Variants in KDM7A observed in about 807,000 individuals in gnomAD.
KDM7A encodes the protein lysine demethylase 7A, also known as lysine-specific demethylase 7A.
Under a neutral mutation model 114.8 loss-of-function variants are expected in KDM7A, and 28 were observed. The observed-to-expected ratio is 0.24, with a 90% CI of 0.18 to 0.33. KDM7A has a LOEUF of 0.33. Among genes scored for constraint, KDM7A ranks in the 10% least tolerant of loss-of-function variants. The pLI is 1.00. For synonymous variants in KDM7A, 423 were observed against 397.8 expected, an observed-to-expected ratio of 1.06 and a Z score of -0.75; for missense variants, 942 against 1,142.5, an observed-to-expected ratio of 0.82 and a Z score of 2.53.
Position 140,102,146 on chromosome 7 carries a change from T to A in KDM7A, c.1443A>T (p.Lys481Asn). Residue 481 changes from lysine to asparagine, a missense_variant, in exon 12 of 20, where the codon AAA (lysine) becomes AAT (asparagine). This residue lies in a region of KDM7A where 512 missense variants were observed against 576.6 expected (regional missense o/e 0.89). Coordinates refer to ENST00000397560, the MANE Select transcript of KDM7A (RefSeq NM_030647.2). ...VIRAIEEENGKPVKSQGIPIV... is the reference protein window; with the variant it reads ...VIRAIEEENGNPVKSQGIPIV... ...TAGGAATTCCCTGAGATTTAACTGG[T>A]TTGCCGTTTTCCTCCTTTAAGAATT... The A allele has an allele frequency of 6.2e-7, 1 of 1,613,558 alleles. No homozygotes were observed. Among genetic ancestry groups the A allele is most frequent in the Non-Finnish European group, 8.5e-7 (1 of 1,179,506 alleles).
intron 11 of KDM7A, among the ~76,000 whole-genome samples, chr7:140,105,625 C>A (rs1818323716): frequency 6.6e-6 from 1 of 152,130 alleles, no homozygotes; most frequent in Non-Finnish European, 1.5e-5. Context: ...GTCTTGCATC[C>A]CAGGGATGAA....
intron 1 of KDM7A, among the ~76,000 whole-genome samples, chr7:140,162,941 C>T (rs1794536185): frequency 6.6e-6 from 1 of 151,318 alleles, no homozygotes; most frequent in African/African-American, 2.4e-5. Flanking sequence ...GAGAAGCTCT[C>T]TGAGATATCC....
intron 9 of KDM7A, 32 bp from the exon 10 acceptor site, chr7:140,113,614 A>C (rs774141394): frequency 8.5e-7 from 1 of 1,179,504 alleles, no homozygotes. Context: ...GAGAAAAAAA[A>C]ATAGTTAAAA....
chr7:140,130,073 T>C (rs761593955), intron 3 of KDM7A, among the ~76,000 whole-genome samples: 32 of 152,118 alleles, frequency 2.1e-4, no homozygotes, highest in Admixed American at 2.0e-4. Flanking sequence ...CTAAGTATAA[T>C]GCAAATATTC....
chr7:140,141,617 A>G (rs1794278678), intron 1 of KDM7A, among the ~76,000 whole-genome samples: 1 of 151,986 alleles, frequency 6.6e-6, no homozygotes, highest in Admixed American at 6.6e-5. Context: ...ATATTGGCCT[A>G]GTGGGGTGGC....
At chr7:140,123,940 G>A (rs188265130) in intron 7 of KDM7A, among the ~76,000 whole-genome samples, 1 of 152,050 alleles carries the variant, frequency 6.6e-6, no homozygotes. Flanking sequence ...CATGGTGGCG[G>A]GCGCCTGTAG....
intron 9 of KDM7A, among the ~76,000 whole-genome samples, chr7:140,115,368 G>A (rs537084364): frequency 1.7e-4 from 26 of 152,370 alleles, no homozygotes; most frequent in South Asian, 4.1e-4. Context: ...GAAAATGTGG[G>A]GAAAAGAGAG....
chr7:140,150,993 C>A lies in KDM7A; in HGVS notation c.195-11803G>T, dbSNP rs185254355. ...TACAGGCATGAGCCACCACACCCAG[C>A]TAATTTTTTGTATTTTTAGTACAGA... On this transcript the variant is annotated intron_variant, in intron 1 of 19. Transcript: ENST00000397560. 1.3e-3 allele frequency among the ~76,000 whole-genome samples: 205 copies of A among 151,962 alleles called. 1 individual carries two copies. The highest frequency in any genetic ancestry group is 6.8e-3 in the Middle Eastern group (2 of 294).
chr7:140,111,631 G>C (rs972753324), intron 10 of KDM7A, among the ~76,000 whole-genome samples: 1 of 151,826 alleles, frequency 6.6e-6, no homozygotes, highest in Non-Finnish European at 1.5e-5. Flanking sequence ...TCTTTTAATA[G>C]TCAAAAGCAA....
intron 1 of KDM7A, among the ~76,000 whole-genome samples, chr7:140,164,621 G>A (rs1794554594): frequency 6.6e-6 from 1 of 152,114 alleles, no homozygotes; most frequent in South Asian, 2.1e-4. Flanking sequence ...ACATTTTTGA[G>A]ACAACTAGAA....
chr7:140,170,120 G>C (rs926489432), intron 1 of KDM7A, among the ~76,000 whole-genome samples: 2 of 152,016 alleles, frequency 1.3e-5, no homozygotes, highest in African/African-American at 2.4e-5. Flanking sequence ...AAACAAATTT[G>C]TAAAATATTT....
intron 4 of KDM7A, among the ~76,000 whole-genome samples, chr7:140,128,524 T>C (rs1322791995): frequency 5.3e-5 from 8 of 152,222 alleles, no homozygotes; most frequent in Admixed American, 5.2e-4. Context: ...CCTGCACATG[T>C]ATTACACTAG....
intron 11 of KDM7A, among the ~76,000 whole-genome samples, chr7:140,106,125 C>A (rs1156386297): frequency 6.6e-5 from 10 of 152,104 alleles, no homozygotes; most frequent in East Asian, 1.9e-4. Flanking sequence ...TCTGTGGGAT[C>A]GGTGGTGATA....
At chr7:140,166,803 A>T (rs1290128840) in intron 1 of KDM7A, among the ~76,000 whole-genome samples, 3 of 152,236 alleles carry the variant, frequency 2.0e-5, no homozygotes, top group Non-Finnish European at 2.9e-5. Flanking sequence ...ATATAAGTGA[A>T]ATCAAATAGA....
Position 140,111,200 on chromosome 7 carries a change from C to A in KDM7A, c.1339-16G>T. 1 of 1,537,858 alleles carries A rather than the reference C, an allele frequency of 6.5e-7. No individual in the cohort carries two copies. Among genetic ancestry groups the A allele is most frequent in the Non-Finnish European group, 8.9e-7 (1 of 1,126,976 alleles). ...CAGATACAAGCTGTATTTGGATTAA[C>A]AAAAATAAGAAAACCAAAGTTATTT... On this transcript the variant is annotated splice_polypyrimidine_tract_variant and intron_variant, in intron 10 of 19. Transcript: ENST00000397560.
At chr7:140,100,693 T>TACAC (rs1818195022) in intron 12 of KDM7A, among the ~76,000 whole-genome samples, 1 of 35,800 alleles carries the variant, frequency 2.8e-5, no homozygotes, top group Non-Finnish European at 5.6e-5. Flanking sequence ...TATATACATA[T>TACAC]ATATATATAT....
rs571729313 is a variant in KDM7A at position 140,163,948 on chromosome 7, A to C, written c.194+12796T>G. Among the ~76,000 whole-genome samples, 17 of 152,348 alleles carry C rather than the reference A, an allele frequency of 1.1e-4. No individual in the cohort carries two copies. In the South Asian group the frequency reaches 3.5e-3, roughly 32 times the overall value. The stretch of plus-strand genomic sequence containing the variant: ...TTATCAGTTATAACATTTTATAATT[A>C]TAATGATAAAGGTATCATTCTGCAA... On this transcript the variant is annotated intron_variant, in intron 1 of 19. Transcript: ENST00000397560.
At chr7:140,131,866 C>T (rs993958453) in intron 3 of KDM7A, among the ~76,000 whole-genome samples, 1 of 152,078 alleles carries the variant, frequency 6.6e-6, no homozygotes, top group African/African-American at 2.4e-5. Flanking sequence ...GACGGTTAAG[C>T]AAATTATGGT....
chr7:140,116,506 A>C lies in KDM7A; in HGVS notation c.1246+2607T>G, dbSNP rs528749210. Among the ~76,000 whole-genome samples the C allele has an allele frequency of 3.3e-5, 5 of 152,348 alleles. No homozygotes were observed. In the East Asian group the frequency reaches 9.6e-4, roughly 29 times the overall value. On this transcript the variant is annotated intron_variant, in intron 9 of 19. Coordinates refer to ENST00000397560, the MANE Select transcript of KDM7A (RefSeq NM_030647.2). ...TAACACAAAGGTCAGGATAATGGTT[A>C]TCTCTAGAAGGGAAGCGGAAAGGTG...
Sources: gnomAD v4.1 joint callset for allele counts (sites outside exome capture counted in the v4.1 genomes callset) on GRCh38, gnomAD v4.1.1 for gene constraint, gnomAD v4.1.1 regional missense constraint, MANE v1.5 for transcripts, NCBI Gene and HGNC (gene_info 2026-07-23, HGNC 2026-07-21) for gene names.